GDPD4: variants seen among roughly 807,000 people sequenced by gnomAD.
The protein encoded by GDPD4 is glycerophosphodiester phosphodiesterase 6.
In GDPD4, 60 loss-of-function variants were observed where a neutral mutation model predicts 67.8. That is an observed-to-expected ratio of 0.88 (90% confidence interval 0.72 to 1.10). The LOEUF (loss-of-function observed/expected upper bound fraction) is 1.10. Among genes scored for constraint, GDPD4 ranks in the 50% least tolerant of loss-of-function variants. The pLI, the probability that GDPD4 is intolerant of heterozygous loss-of-function variation, is 0.00. For synonymous variants in GDPD4, 212 were observed against 210.9 expected (o/e 1.00, Z -0.04); for missense variants, 623 against 613.9 (o/e 1.01, Z -0.16).
intron 15 of GDPD4, 53 bp from the exon 16 acceptor site, chr11:77,227,969 T>A: frequency 1.7e-6 from 2 of 1,164,540 alleles, no homozygotes; most frequent in Non-Finnish European, 2.6e-6. Context: ...AATCATGGTC[T>A]CTTCTAACGT....
At chr11:77,253,204 A>G (rs1380660792) in intron 11 of GDPD4, among the ~76,000 whole-genome samples, 1 of 152,136 alleles carries the variant, frequency 6.6e-6, no homozygotes, top group East Asian at 1.9e-4. Context: ...CCCTGGACTG[A>G]CTCTAAGGAA....
At chr11:77,231,161 T>C (rs1050296975) in intron 14 of GDPD4, among the ~76,000 whole-genome samples, 1 of 152,194 alleles carries the variant, frequency 6.6e-6, no homozygotes. Flanking sequence ...TTTTAGGTAG[T>C]TTTTATTAAG....
chr11:77,229,016 AAG>A lies in GDPD4; in HGVS notation c.1472+132_1472+133del, dbSNP rs1958402351. On this transcript the variant is annotated intron_variant, in intron 15 of 16. Transcript: ENST00000315938. ...TGTGAGGAACTGCAGACTACATGAGAAGAGAGATTCAGATTATAAACGCCATC... is the reference window on the plus strand; with the variant it reads ...TGTGAGGAACTGCAGACTACATGAGAAGAGATTCAGATTATAAACGCCATC... 5.4e-6 allele frequency: 3 copies of A among 556,474 alleles called. No homozygotes were observed. In the South Asian group the frequency reaches 8.9e-5, roughly 16 times the overall value. The allele number at this position is 556,474 out of a possible 1,614,324, so 34.5% of individuals were successfully genotyped here.
intron 1 of GDPD4, among the ~76,000 whole-genome samples, chr11:77,291,215 G>A (rs1937760835): frequency 6.6e-6 from 1 of 152,182 alleles, no homozygotes; most frequent in African/African-American, 2.4e-5. Flanking sequence ...TCTGTCATTT[G>A]CAGCAGTATG....
Position 77,216,679 on chromosome 11 carries a change from C to A in GDPD4, c.*598G>T, listed in dbSNP as rs1249574980. On this transcript the variant is annotated 3_prime_UTR_variant, in exon 17 of 17. Transcript: ENST00000315938. ...TCCAAGACCACACACAGCAGTTTTC[C>A]CCTTGCCTAGCCCCTTGAGATGCAT... The A allele has an allele frequency of 1.7e-5, 9 of 527,410 alleles. No homozygotes were observed. The highest frequency in any genetic ancestry group is 2.4e-5 in the South Asian group (1 of 42,528). 32.7% of individuals were successfully genotyped at this position (527,410 alleles called of 1,614,324 possible).
intron 5 of GDPD4, among the ~76,000 whole-genome samples, chr11:77,275,236 T>C (rs1446572264): frequency 6.6e-6 from 1 of 151,950 alleles, no homozygotes; most frequent in African/African-American, 2.4e-5. Context: ...AAAAAGTCTA[T>C]AAAAAAGCAA....
intron 15 of GDPD4, 43 bp downstream of exon 15, chr11:77,229,107 T>C (rs1958404442): frequency 2.1e-6 from 2 of 941,154 alleles, no homozygotes; most frequent in South Asian, 3.5e-5. Context: ...TAATAATCCA[T>C]TTATTTTGGA....
At chr11:77,252,176 T>A (rs899849666) in intron 11 of GDPD4, among the ~76,000 whole-genome samples, 1 of 151,610 alleles carries the variant, frequency 6.6e-6, no homozygotes, top group Non-Finnish European at 1.5e-5. Context: ...CATTCTCCTG[T>A]CTCAGCCTTC....
chr11:77,235,025 T>TTTTTTTTTTTTTTTTTTTTTTTTA (rs1958530926), intron 13 of GDPD4, among the ~76,000 whole-genome samples: 1 of 142,084 alleles, frequency 7.0e-6, no homozygotes, highest in Non-Finnish European at 1.5e-5. Context: ...TTTTTTTTTT[T>TTTTTTTTTTTTTTTTTTTTTTTTA]TTTTTTTTTT....
intron 1 of GDPD4, among the ~76,000 whole-genome samples, chr11:77,296,260 A>C (rs1243122954): frequency 6.6e-6 from 1 of 151,284 alleles, no homozygotes; most frequent in East Asian, 1.9e-4. Flanking sequence ...CAAAAAAAAA[A>C]AAAAAAAAAG....
Position 77,243,825 on chromosome 11 carries a change from ATC to A in GDPD4, c.1108_1109del (p.Asp370Ter). ...GAGCCACGGACCTGACGTATTGCCTATCATGAGCTGGCAACCAAAAAATCTCT... is the reference window on the plus strand; with the variant it reads ...GAGCCACGGACCTGACGTATTGCCTAATGAGCTGGCAACCAAAAAATCTCT... ...QHLIFWLPAH[D>X]RQYVRSVAPG... On this transcript the variant is annotated frameshift_variant, in exon 13 of 17. Transcript: ENST00000315938. LOFTEE classifies it high-confidence loss of function. 1 of 1,613,272 alleles carries A rather than the reference ATC, an allele frequency of 6.2e-7. No individual in the cohort carries two copies. The highest frequency in any genetic ancestry group is 8.5e-7 in the Non-Finnish European group (1 of 1,179,660).
At chr11:77,296,610 T>C (rs1472018134) in intron 1 of GDPD4, among the ~76,000 whole-genome samples, 1 of 151,714 alleles carries the variant, frequency 6.6e-6, no homozygotes, top group Non-Finnish European at 1.5e-5. Context: ...TGTGAGCTAC[T>C]GCACCCGGCC....
chr11:77,224,550 G>A (rs66518011), intron 16 of GDPD4, among the ~76,000 whole-genome samples: 29,181 of 152,090 alleles, frequency 0.19, 3,721 homozygotes, highest in Non-Finnish European at 0.27. Context: ...GTCACCTCTA[G>A]GAGCTCAGAC....
chr11:77,282,458 A>G (rs1959798687), intron 3 of GDPD4, among the ~76,000 whole-genome samples: 1 of 131,510 alleles, frequency 7.6e-6, no homozygotes, highest in South Asian at 2.7e-4. Context: ...GTTTGAGACC[A>G]GCCTGGGCAA....
At position 77,268,030 on chromosome 11, in the gene GDPD4, A is replaced by T. The variant is rs952683177; in HGVS notation, c.707+427T>A. Among the ~76,000 whole-genome samples the T allele has an allele frequency of 4.6e-5, 7 of 152,040 alleles. 1 individual carries two copies. Among genetic ancestry groups the T allele is most frequent in the Admixed American group, 4.6e-4 (7 of 15,258 alleles). ...GGCCTTATTCTGTAGTTATCTGTAAACATCCCATGTCTCCTTCACTAGCTG... is the reference window on the plus strand; with the variant it reads ...GGCCTTATTCTGTAGTTATCTGTAATCATCCCATGTCTCCTTCACTAGCTG... On this transcript the variant is annotated intron_variant, in intron 10 of 16. Coordinates refer to ENST00000315938, the MANE Select transcript of GDPD4 (RefSeq NM_182833.3).
rs57989259 is a variant in GDPD4, at chr11:77,235,009, G to GTTTTTTTTTTTTTTT, written c.1242-1852_1242-1838dup. Among the ~76,000 whole-genome samples, 131 of 52,254 alleles carry GTTTTTTTTTTTTTTT rather than the reference G, an allele frequency of 2.5e-3. 11 individuals carry two copies. Among genetic ancestry groups the GTTTTTTTTTTTTTTT allele is most frequent in the Non-Finnish European group, 3.7e-3 (99 of 27,080 alleles). The allele number at this position is 52,254 out of a possible 152,430, so 34.3% of individuals were successfully genotyped here. A position where few individuals can be genotyped will look rare whatever the true frequency, so the allele number is the denominator to read the frequency against. ...TCTCTCTGCAACCTTGTCAATATCT[G>GTTTTTTTTTTTTTTT]TTTTTTTTTTTTTTTTTTTTTTTTT... On this transcript the variant is annotated intron_variant, in intron 13 of 16. Coordinates refer to ENST00000315938, the MANE Select transcript of GDPD4 (RefSeq NM_182833.3).
rs758745585 is a variant in GDPD4, at chr11:77,271,345, T to A, written c.256A>T (p.Ile86Leu). ...CACCTTTCTTTCCAGAATTTGCATA[T>A]AATGAACATTAAAATGACACACAGA... ...ILLCVILMFI[I>L]CKFWKERWLV... The change falls in exon 6 of 17, where the codon ATA (isoleucine) becomes TTA (leucine). Residue 86 changes from isoleucine to leucine, a missense_variant. By Grantham distance (5) the Ile-to-Leu change is conservative. Transcript: ENST00000315938. 1.2e-6 allele frequency: 2 copies of A among 1,613,940 alleles called. No homozygotes were observed.
chr11:77,268,902 T>G, intron 9 of GDPD4, 22 bp downstream of exon 9: 1 of 1,610,834 alleles, frequency 6.2e-7, no homozygotes. Flanking sequence ...TTTTCACCCA[T>G]GTTCATCATG....
intron 4 of GDPD4, among the ~76,000 whole-genome samples, chr11:77,277,595 C>T (rs1959546247): frequency 2.6e-5 from 4 of 151,222 alleles, no homozygotes; most frequent in Non-Finnish European, 5.9e-5. Context: ...TTAGTAGAGA[C>T]GGGGTTTATC....
Sources: allele counts gnomAD v4.1 joint callset (sites outside exome capture counted in the v4.1 genomes callset), GRCh38; gene constraint gnomAD v4.1.1; transcripts MANE v1.5; gene names NCBI Gene and HGNC (gene_info 2026-07-23, HGNC 2026-07-21).